Variants in USH2A observed in about 807,000 individuals in gnomAD.
The protein encoded by USH2A is Usher syndrome 2A (autosomal recessive, mild).
A neutral mutation model predicts 538.9 loss-of-function variants in USH2A; 443 were observed. The observed-to-expected ratio is 0.82, with a 90% CI of 0.76 to 0.89. USH2A has a LOEUF of 0.89. Among genes scored for constraint, USH2A ranks in the 40% least tolerant of loss-of-function variants. The probability of loss-of-function intolerance (pLI) is 0.00; values close to 1 mark genes in which losing one functional copy is unlikely to be tolerated. For missense variants in USH2A, 6,633 were observed against 6,324.8 expected, an observed-to-expected ratio of 1.05 and a Z score of -1.65; for synonymous variants, 2,413 against 2,273.5, an observed-to-expected ratio of 1.06 and a Z score of -1.75.
intron 40 of USH2A, among the ~76,000 whole-genome samples, chr1:215,894,280 T>C (rs1350566021): frequency 6.6e-6 from 1 of 152,198 alleles, no homozygotes; most frequent in African/African-American, 2.4e-5. Flanking sequence ...TTTCCTTGTG[T>C]TGCGTAGAAT....
chr1:216,155,759 C>T (rs1284503552), intron 21 of USH2A, among the ~76,000 whole-genome samples: 1 of 152,140 alleles, frequency 6.6e-6, no homozygotes, highest in Non-Finnish European at 1.5e-5. Context: ...CAAGCAGAAC[C>T]TTTTGCCTTG....
At chr1:216,285,487 C>T (rs577556959) in intron 11 of USH2A, among the ~76,000 whole-genome samples, 4 of 152,346 alleles carry the variant, frequency 2.6e-5, no homozygotes, top group South Asian at 4.1e-4. Flanking sequence ...GCTGCAGGGG[C>T]AGAGCCCTAA....
intron 30 of USH2A, among the ~76,000 whole-genome samples, chr1:216,066,706 A>C (rs74882988): frequency 0.021 from 3,190 of 152,238 alleles, 90 homozygotes; most frequent in African/African-American, 0.074. Context: ...TTTTAAAGCA[A>C]ACAGAGGTTT....
chr1:215,764,846 G>C (rs1661081771), intron 56 of USH2A, among the ~76,000 whole-genome samples: 1 of 151,818 alleles, frequency 6.6e-6, no homozygotes, highest in African/African-American at 2.4e-5. Context: ...TTTCATATAT[G>C]GGTTATATAT....
intron 20 of USH2A, among the ~76,000 whole-genome samples, chr1:216,188,034 A>G (rs2034642479): frequency 6.6e-6 from 1 of 151,836 alleles, no homozygotes; most frequent in Admixed American, 6.6e-5. Flanking sequence ...TTCCAGTTCT[A>G]TTTTTCAAGG....
At chr1:216,401,280 T>C (rs2039299601) in intron 3 of USH2A, among the ~76,000 whole-genome samples, 1 of 151,898 alleles carries the variant, frequency 6.6e-6, no homozygotes. Flanking sequence ...AAAAACACTA[T>C]ACAAAAAAGA....
chr1:216,096,956 G>T (rs886088725), intron 22 of USH2A, 127 bp downstream of exon 22: 2 of 1,000,058 alleles, frequency 2.0e-6, no homozygotes, highest in Non-Finnish European at 2.9e-6. Context: ...TGGCAAAATG[G>T]GGATAATAAT....
chr1:216,346,519 G>GAATGGCT (rs1242027774), intron 4 of USH2A, among the ~76,000 whole-genome samples: 1 of 151,998 alleles, frequency 6.6e-6, no homozygotes, highest in African/African-American at 2.4e-5. Flanking sequence ...ACACTTTTGA[G>GAATGGCT]AATGGCTAAT....
intron 13 of USH2A, among the ~76,000 whole-genome samples, chr1:216,235,188 ACTC>A (rs1366123662): frequency 4.6e-5 from 7 of 151,872 alleles, no homozygotes; most frequent in Non-Finnish European, 8.8e-5. Context: ...TTAAACATCA[ACTC>A]CTGAATGTGG....
rs1238450377 is a variant in USH2A at position 215,680,324 on chromosome 1, C to T, written c.12119G>A (p.Arg4040His). 8 of 1,613,838 alleles carry T rather than the reference C, an allele frequency of 5.0e-6. No homozygotes were observed. The highest frequency in any genetic ancestry group is 2.7e-5 in the African/African-American group (2 of 74,848). Residue 4040 changes from arginine to histidine, a missense_variant, in exon 62 of 72, where the codon CGC becomes CAC. Transcript: ENST00000307340. ...ATGGTTTGCAGCCACAACACCAATG[C>T]GATATGTTGTGAATGGTTCTAACCC... Reference protein sequence around the residue: ...LYGLEPFTTYRIGVVAANHAG... With the variant: ...LYGLEPFTTYHIGVVAANHAG...
chr1:215,690,333 G>A (rs1401569396), intron 61 of USH2A, among the ~76,000 whole-genome samples: 1 of 152,108 alleles, frequency 6.6e-6, no homozygotes, highest in Non-Finnish European at 1.5e-5. Context: ...AATGGGCATG[G>A]TGGCAACTCC....
intron 4 of USH2A, among the ~76,000 whole-genome samples, chr1:216,355,739 A>G (rs1395032305): frequency 6.6e-6 from 1 of 152,100 alleles, no homozygotes; most frequent in Non-Finnish European, 1.5e-5. Flanking sequence ...ACATAGACAA[A>G]ACACAGAATT....
intron 60 of USH2A, among the ~76,000 whole-genome samples, chr1:215,734,526 G>A (rs1660099383): frequency 6.6e-6 from 1 of 152,130 alleles, no homozygotes; most frequent in Admixed American, 6.5e-5. Flanking sequence ...CTCTACCACA[G>A]GGCCAGGCTG....
intron 61 of USH2A, among the ~76,000 whole-genome samples, chr1:215,703,813 G>A (rs1200111540): frequency 6.6e-6 from 1 of 152,088 alleles, no homozygotes; most frequent in Non-Finnish European, 1.5e-5. Flanking sequence ...CCTTTTCAGG[G>A]GAGTGGACAG....
chr1:215,652,430 T>C (rs1260223286), intron 64 of USH2A, among the ~76,000 whole-genome samples: 1 of 152,258 alleles, frequency 6.6e-6, no homozygotes, highest in Non-Finnish European at 1.5e-5. Context: ...CAAGGATGGA[T>C]AGACATGTAC....
intron 11 of USH2A, among the ~76,000 whole-genome samples, chr1:216,261,576 G>GAA (rs148438532): frequency 6.6e-6 from 1 of 151,108 alleles, no homozygotes; most frequent in African/African-American, 2.4e-5. Context: ...ACACCAAAAG[G>GAA]AAAAAAAATT....
At chr1:215,758,497 T>C in intron 58 of USH2A, 98 bp downstream of exon 58, 4 of 1,447,382 alleles carry the variant, frequency 2.8e-6, no homozygotes, top group Admixed American at 1.8e-5. Flanking sequence ...ACCGACTATG[T>C]CTTTCTGATT....
At chr1:216,175,599 G>A in intron 20 of USH2A, 117 bp from the exon 21 acceptor site, 1 of 974,434 alleles carries the variant, frequency 1.0e-6, no homozygotes, top group East Asian at 2.6e-5. Context: ...CAAATCAGTT[G>A]TGGTTTCAAG....
intron 15 of USH2A, among the ~76,000 whole-genome samples, chr1:216,209,699 T>C (rs577237675): frequency 4.6e-5 from 7 of 152,304 alleles, no homozygotes; most frequent in African/African-American, 1.7e-4. Context: ...TTCCATAGCC[T>C]TTGCTATTTC....
Sources: allele counts gnomAD v4.1 joint callset (sites outside exome capture counted in the v4.1 genomes callset), GRCh38; gene constraint gnomAD v4.1.1; transcripts MANE v1.5; gene names NCBI Gene and HGNC (gene_info 2026-07-23, HGNC 2026-07-21).